Variants in LARP1 observed in about 807,000 individuals in gnomAD.
LARP1 encodes the protein La ribonucleoprotein 1, translational regulator.
A neutral mutation model predicts 122.7 loss-of-function variants in LARP1; 36 were observed. The ratio of observed to expected loss-of-function variants is 0.29; its 90% CI spans 0.22 to 0.39. The LOEUF is 0.39. Among genes scored for constraint, LARP1 ranks in the 10% least tolerant of loss-of-function variants. The pLI is 1.00. For synonymous variants in LARP1, 539 were observed against 528.7 expected (o/e 1.02, Z -0.27); for missense variants, 1,040 against 1,403.6 (o/e 0.74, Z 4.14).
At chr5:154,811,159 C>A in intron 16 of LARP1, 88 bp from the exon 17 acceptor site, 1 of 944,286 alleles carries the variant, frequency 1.1e-6, no homozygotes, top group Non-Finnish European at 1.7e-6. Context: ...GTAGTTTAAA[C>A]TGTTTCATAG....
intron 1 of LARP1, among the ~76,000 whole-genome samples, chr5:154,692,714 G>A (rs1754280303): frequency 6.6e-6 from 1 of 152,192 alleles, no homozygotes. Flanking sequence ...ATGGTGGACA[G>A]CTGGCCTTAA....
At chr5:154,692,988 A>ATTTTTT (rs113484244) in intron 1 of LARP1, among the ~76,000 whole-genome samples, 4 of 141,974 alleles carry the variant, frequency 2.8e-5, no homozygotes, top group African/African-American at 8.2e-5. Flanking sequence ...TTAATTTTTA[A>ATTTTTT]TTATTTTTTT....
intron 14 of LARP1, chr5:154,804,914 T>G (rs757806145): frequency 8.8e-6 from 4 of 456,270 alleles, no homozygotes; most frequent in South Asian, 6.2e-5. Context: ...ACAATTGATC[T>G]TTGAACAACG....
chr5:154,790,524 T>C (rs538488923), intron 2 of LARP1, 121 bp from the exon 3 acceptor site: 28 of 1,289,724 alleles, frequency 2.2e-5, no homozygotes, highest in Non-Finnish European at 2.9e-5. Flanking sequence ...AGGTATCCAG[T>C]GTGAATGGTC....
intron 1 of LARP1, among the ~76,000 whole-genome samples, chr5:154,746,487 T>A (rs888700596): frequency 2.6e-5 from 4 of 152,246 alleles, no homozygotes; most frequent in African/African-American, 9.6e-5. Flanking sequence ...GTTTTTGCAT[T>A]TTCTATGAAT....
chr5:154,805,711 G>A (rs1758720164), intron 14 of LARP1, 170 bp from the exon 15 acceptor site: 2 of 670,362 alleles, frequency 3.0e-6, no homozygotes, highest in African/African-American at 3.6e-5. Context: ...AGTTGATGCA[G>A]AGTTAATCAG....
chr5:154,703,120 CAAAAAAAAA>C (rs757446137), intron 1 of LARP1, among the ~76,000 whole-genome samples: 4 of 38,784 alleles, frequency 1.0e-4, no homozygotes, highest in Non-Finnish European at 2.0e-4. Flanking sequence ...GACGCTGTCT[CAAAAAAAAA>C]AAAAAAAAAA....
intron 1 of LARP1, among the ~76,000 whole-genome samples, chr5:154,703,120 CA>C (rs757446137): frequency 0.099 from 3,829 of 38,510 alleles, 44 homozygotes; most frequent in African/African-American, 0.22. Flanking sequence ...GACGCTGTCT[CA>C]AAAAAAAAAA....
chr5:154,709,390 A>G (rs1755103802), upstream of LARP1, among the ~76,000 whole-genome samples: 1 of 152,164 alleles, frequency 6.6e-6, no homozygotes. Flanking sequence ...GCAGTTTTGA[A>G]GGTTTCATGG....
At chr5:154,797,844 G>A (rs550367590) in intron 8 of LARP1, among the ~76,000 whole-genome samples, 1 of 152,206 alleles carries the variant, frequency 6.6e-6, no homozygotes, top group South Asian at 2.1e-4. Context: ...CACACCACGT[G>A]TGGCTAATTT....
At position 154,755,885 on chromosome 5, in the gene LARP1, A is replaced by C. The variant is rs1365263505; in HGVS notation, c.128A>C (p.Asp43Ala). Reference sequence around the variant, plus strand: ...GGCAAGGGCGAGCCCGGGCCAAACGACGTCCGCGGGGGGGAGCCGGACGGC... The same window carrying C: ...GGCAAGGGCGAGCCCGGGCCAAACGCCGTCCGCGGGGGGGAGCCGGACGGC... ...PEGKGEPGPN[D>A]VRGGEPDGSA... Residue 43 changes from aspartate to alanine, a missense_variant, in exon 1 of 19, where the codon GAC becomes GCC. Around this residue, in one of 8 missense-constraint regions of LARP1, gnomAD observed 257 missense variants for 273.3 expected, o/e 0.94. Coordinates refer to ENST00000518297, the MANE Select transcript of LARP1 (RefSeq NM_033551.3). The C allele has an allele frequency of 2.0e-6, 2 of 1,012,286 alleles. No homozygotes were observed. The highest frequency in any genetic ancestry group is 6.9e-5 in the South Asian group (2 of 28,884). The allele number at this position is 1,012,286 out of a possible 1,614,324, so 62.7% of individuals were successfully genotyped here.
intron 1 of LARP1, chr5:154,756,399 C>T: frequency 1.0e-6 from 1 of 995,144 alleles, no homozygotes; most frequent in Non-Finnish European, 1.2e-6. Context: ...AGGGCCCGGC[C>T]TCCGGGAGGC....
intron 1 of LARP1, among the ~76,000 whole-genome samples, chr5:154,728,610 A>G (rs556967285): frequency 1.3e-5 from 2 of 152,336 alleles, no homozygotes; most frequent in South Asian, 2.1e-4. Flanking sequence ...TGAGTGAGGC[A>G]TGGATCTGTT....
intron 1 of LARP1, among the ~76,000 whole-genome samples, chr5:154,774,435 T>C (rs1195693739): frequency 6.6e-6 from 1 of 152,204 alleles, no homozygotes; most frequent in African/African-American, 2.4e-5. Context: ...GTTTGCACTC[T>C]GGGAGCCAAA....
chr5:154,810,061 T>C (rs906198065), intron 16 of LARP1, among the ~76,000 whole-genome samples: 3 of 152,178 alleles, frequency 2.0e-5, no homozygotes, highest in Non-Finnish European at 4.4e-5. Context: ...TGCCATGATT[T>C]TTCTTAATTG....
chr5:154,683,474 T>C (rs1430204614), intron 1 of LARP1, among the ~76,000 whole-genome samples: 1 of 152,208 alleles, frequency 6.6e-6, no homozygotes, highest in African/African-American at 2.4e-5. Context: ...ATGATAACTC[T>C]AGCCTATTTC....
chr5:154,700,522 A>T (rs1376138609), intron 1 of LARP1, among the ~76,000 whole-genome samples: 1 of 151,942 alleles, frequency 6.6e-6, no homozygotes, highest in Non-Finnish European at 1.5e-5. Flanking sequence ...ACAGAGTGAG[A>T]CCCTGTCTCA....
chr5:154,769,788 A>C (rs1163645009), intron 1 of LARP1, among the ~76,000 whole-genome samples: 1 of 152,228 alleles, frequency 6.6e-6, no homozygotes, highest in Non-Finnish European at 1.5e-5. Context: ...ATGTGGCTAG[A>C]GGCCTTGTGG....
intron 1 of LARP1, among the ~76,000 whole-genome samples, chr5:154,692,131 A>C (rs1039032888): frequency 2.0e-5 from 3 of 152,196 alleles, no homozygotes; most frequent in Non-Finnish European, 4.4e-5. Flanking sequence ...CTGGCTCCCT[A>C]GTGCCCTGGA....
Sources: gnomAD v4.1 joint callset for allele counts (sites outside exome capture counted in the v4.1 genomes callset) on GRCh38, gnomAD v4.1.1 for gene constraint, gnomAD v4.1.1 regional missense constraint, MANE v1.5 for transcripts, NCBI Gene and HGNC (gene_info 2026-07-23, HGNC 2026-07-21) for gene names.